CMIP: variants seen among roughly 807,000 people sequenced by gnomAD.
The protein encoded by CMIP is c-Maf inducing protein.
A neutral mutation model predicts 97.3 loss-of-function variants in CMIP; 13 were observed. That is an observed-to-expected ratio of 0.13 (90% CI 0.09 to 0.21). The LOEUF is 0.21. Among genes scored for constraint, CMIP ranks in the 10% least tolerant of loss-of-function variants. CMIP has a pLI of 1.00. For synonymous variants in CMIP, 538 were observed against 436.3 expected (o/e 1.23, Z -2.91); for missense variants, 847 against 1,024.9 (o/e 0.83, Z 2.37).
At chr16:81,688,014 G>A (rs1251512648) in intron 10 of CMIP, among the ~76,000 whole-genome samples, 1 of 152,226 alleles carries the variant, frequency 6.6e-6, no homozygotes, top group African/African-American at 2.4e-5. Flanking sequence ...TTCAAGCCCC[G>A]GTGCGCAGGC....
chr16:81,578,881 G>A (rs147682130), intron 1 of CMIP, among the ~76,000 whole-genome samples: 75 of 152,312 alleles, frequency 4.9e-4, no homozygotes, highest in Middle Eastern at 3.4e-3. Flanking sequence ...CCTGGCCTGC[G>A]AGGTCCAAGG....
chr16:81,476,653 T>C (rs1907941917), intron 1 of CMIP: 2 of 387,248 alleles, frequency 5.2e-6, no homozygotes, highest in South Asian at 4.4e-5. Context: ...TTGCTTACTT[T>C]CTGTATATGA....
chr16:81,569,373 C>G (rs995225897), intron 1 of CMIP, among the ~76,000 whole-genome samples: 5 of 152,212 alleles, frequency 3.3e-5, no homozygotes, highest in African/African-American at 1.2e-4. Flanking sequence ...GCATCTGAAC[C>G]TAGGGTAACC....
intron 1 of CMIP, among the ~76,000 whole-genome samples, chr16:81,594,208 C>T (rs1212593506): frequency 6.7e-6 from 1 of 149,770 alleles, no homozygotes; most frequent in Non-Finnish European, 1.5e-5. Flanking sequence ...ACCTCCAACT[C>T]CTGGGTTCAA....
chr16:81,705,036 A>G (rs1907974270), intron 18 of CMIP, among the ~76,000 whole-genome samples: 1 of 151,936 alleles, frequency 6.6e-6, no homozygotes, highest in Non-Finnish European at 1.5e-5. Context: ...ACTGCTCAGT[A>G]CTCTGCACAG....
intron 1 of CMIP, among the ~76,000 whole-genome samples, chr16:81,584,762 T>C (rs1194816887): frequency 2.6e-5 from 4 of 152,230 alleles, no homozygotes; most frequent in African/African-American, 9.6e-5. Flanking sequence ...AATTGGCCTC[T>C]GGAGGAATCC....
intron 3 of CMIP, among the ~76,000 whole-genome samples, chr16:81,622,893 G>A (rs758919649): frequency 6.6e-6 from 1 of 152,194 alleles, no homozygotes; most frequent in African/African-American, 2.4e-5. Flanking sequence ...TTAAAAGCTC[G>A]GCCTTGAAAC....
rs1472356026 is a variant in CMIP at position 81,710,354 on chromosome 16, T to C, written c.*555T>C. On this transcript the variant is annotated 3_prime_UTR_variant, in exon 21 of 21. Transcript: ENST00000537098. ...TTAAATAATGCACCTATTTAAGACA[T>C]GTTGACAAATTGCGGGTCTGGGACC... 6.4e-6 allele frequency: 1 copy of C among 157,454 alleles called. No individual in the cohort carries two copies. 9.8% of individuals were successfully genotyped at this position (157,454 alleles called of 1,614,324 possible).
At chr16:81,702,806 A>G in intron 17 of CMIP, 137 bp downstream of exon 17, 1 of 727,276 alleles carries the variant, frequency 1.4e-6, no homozygotes, top group Admixed American at 2.3e-5. Flanking sequence ...AGTACTTAAC[A>G]CGCCAGCTCT....
At chr16:81,695,620 C>G (rs959685051) in intron 13 of CMIP, 1 of 152,330 alleles carries the variant, frequency 6.6e-6, no homozygotes, top group Non-Finnish European at 1.5e-5. Flanking sequence ...CTCTGTCTCT[C>G]TCCCTCACTC....
At chr16:81,585,365 C>A (rs12051382) in intron 1 of CMIP, among the ~76,000 whole-genome samples, 37,561 of 151,966 alleles carry the variant, frequency 0.25, 6,888 homozygotes, top group African/African-American at 0.52. Context: ...ATAAATGTAC[C>A]ATTTGGTGGC....
chr16:81,500,057 C>T (rs4889326), intron 1 of CMIP, among the ~76,000 whole-genome samples: 33,007 of 152,050 alleles, frequency 0.22, 4,029 homozygotes, highest in East Asian at 0.36. Context: ...CTGGGGCAAT[C>T]GGCCTTCTTC....
chr16:81,660,217 T>C (rs2092529529), intron 5 of CMIP, among the ~76,000 whole-genome samples: 1 of 152,156 alleles, frequency 6.6e-6, no homozygotes, highest in African/African-American at 2.4e-5. Flanking sequence ...CCATACTAGC[T>C]GTGACAGAAC....
At chr16:81,482,223 G>C (rs1441388142) in intron 1 of CMIP, among the ~76,000 whole-genome samples, 1 of 152,150 alleles carries the variant, frequency 6.6e-6, no homozygotes, top group Non-Finnish European at 1.5e-5. Flanking sequence ...GGGCTCACCA[G>C]ATCATTCAGG....
rs144829743 is a variant in CMIP, at chr16:81,634,328, C to T, written c.477+13402C>T. Among the ~76,000 whole-genome samples the T allele has an allele frequency of 2.0e-3, 307 of 152,310 alleles. 2 individuals are homozygous for T. The highest frequency in any genetic ancestry group is 1.8e-3 in the Non-Finnish European group (123 of 68,030). ...GTTTTATATCTCCATTGTATGAACA[C>T]GAGTCTGACTCTCAGATTAACCTTC... is the stretch of plus-strand genomic sequence containing the variant. On this transcript the variant is annotated intron_variant, in intron 3 of 20. Transcript: ENST00000537098.
At chr16:81,668,261 G>A (rs533251184) in intron 7 of CMIP, among the ~76,000 whole-genome samples, 68 of 152,234 alleles carry the variant, frequency 4.5e-4, no homozygotes, top group African/African-American at 1.6e-3. Flanking sequence ...GGGGCAGGAC[G>A]GTGCCGCTCC....
intron 1 of CMIP, among the ~76,000 whole-genome samples, chr16:81,543,324 G>A (rs772714399): frequency 3.9e-5 from 6 of 152,162 alleles, no homozygotes; most frequent in South Asian, 4.1e-4. Flanking sequence ...CACGGCAGCC[G>A]GAGAGCGCTC....
chr16:81,652,275 A>G lies in CMIP; in HGVS notation c.550A>G (p.Thr184Ala), dbSNP rs1420044988. 1 of 1,613,580 alleles carries G rather than the reference A, an allele frequency of 6.2e-7. No homozygotes were observed. Among genetic ancestry groups the G allele is most frequent in the South Asian group, 1.1e-5 (1 of 91,066 alleles). ...GGAAGTTGTCTTGAAAGAGATCCGG[A>G]CCCTGGTGGACATGGCCCTGACATC... is the stretch of plus-strand genomic sequence containing the variant. ...RWEVVLKEIRTLVDMALTSPL... is the reference protein window; with the variant it reads ...RWEVVLKEIRALVDMALTSPL... The change falls in exon 4 of 21, where the codon ACC (threonine) becomes GCC (alanine). Residue 184 changes from threonine (T) to alanine (A), a missense_variant. This residue lies in a region of CMIP where 285 missense variants were observed against 392.2 expected (regional missense o/e 0.73). Coordinates refer to ENST00000537098, the MANE Select transcript of CMIP (RefSeq NM_198390.3). The surrounding 1 kb of genome is among the most constrained non-coding windows in gnomAD (Gnocchi z 5.2).
At position 81,616,719 on chromosome 16, in the gene CMIP, C is replaced by T. The variant is rs1387932259; in HGVS notation, c.427-4157C>T. ...GGCTGGGGAAGGGGGTCACACCCTC[C>T]TATGGGAGGAAAGGCTTGGAAACCC... On this transcript the variant is annotated intron_variant, in intron 2 of 20. Coordinates refer to ENST00000537098, the MANE Select transcript of CMIP (RefSeq NM_198390.3). This position sits in a 1 kb window ranked among gnomAD's most constrained non-coding sequence, Gnocchi z 4.7. Among the ~76,000 whole-genome samples, 1 of 152,132 alleles carries T rather than the reference C, an allele frequency of 6.6e-6. No individual in the cohort carries two copies. The highest frequency in any genetic ancestry group is 2.4e-5 in the African/African-American group (1 of 41,428).
Sources: gnomAD v4.1 joint callset for allele counts (sites outside exome capture counted in the v4.1 genomes callset) on GRCh38, gnomAD v4.1.1 for gene constraint, gnomAD v4.1.1 regional missense constraint, Gnocchi (gnomAD v3.1) non-coding constraint, MANE v1.5 for transcripts, NCBI Gene and HGNC (gene_info 2026-07-23, HGNC 2026-07-21) for gene names.